GRID2: variants seen among roughly 807,000 people sequenced by gnomAD.
The protein encoded by GRID2 is glutamate receptor ionotropic, delta-2.
GRID2 carries 33 observed loss-of-function variants against 114.8 expected under a neutral mutation model. The observed-to-expected ratio is 0.29, with a 90% CI of 0.22 to 0.38. GRID2 has a LOEUF of 0.38. Ranked by LOEUF, GRID2 falls within the 10% of genes least tolerant of loss-of-function variation. The pLI is 1.00. For missense variants in GRID2, 1,184 were observed against 1,257.7 expected, an observed-to-expected ratio of 0.94 and a Z score of 0.89; for synonymous variants, 505 against 449.9, an observed-to-expected ratio of 1.12 and a Z score of -1.55.
chr4:92,630,565 C>T (rs1173803395), intron 2 of GRID2, among the ~76,000 whole-genome samples: 1 of 152,108 alleles, frequency 6.6e-6, no homozygotes, highest in Non-Finnish European at 1.5e-5. Flanking sequence ...GCATCCTATG[C>T]TTAATGCAGG....
At chr4:93,794,214 A>G (rs909955713) in intron 1 of GRID2, among the ~76,000 whole-genome samples, 1 of 152,178 alleles carries the variant, frequency 6.6e-6, no homozygotes, top group East Asian at 1.9e-4. Flanking sequence ...TGGCAGTGAT[A>G]CGTCTGTGGA....
chr4:93,633,155 A>G (rs1337622151), intron 14 of GRID2, among the ~76,000 whole-genome samples: 1 of 152,062 alleles, frequency 6.6e-6, no homozygotes, highest in African/African-American at 2.4e-5. Context: ...GGGTCCATAA[A>G]TAGCTACTTT....
At chr4:93,230,279 T>C (rs1745973315) in intron 7 of GRID2, among the ~76,000 whole-genome samples, 1 of 152,052 alleles carries the variant, frequency 6.6e-6, no homozygotes, top group Non-Finnish European at 1.5e-5. Context: ...CTGATCAACT[T>C]TCCAAACTTA....
At chr4:93,091,499 A>G (rs1356097289) in intron 3 of GRID2, among the ~76,000 whole-genome samples, 1 of 152,112 alleles carries the variant, frequency 6.6e-6, no homozygotes, top group Non-Finnish European at 1.5e-5. Flanking sequence ...TTTGAAAGAC[A>G]AATATCATTA....
Position 93,422,877 on chromosome 4 carries a change from A to G in GRID2, c.1454A>G (p.Asn485Ser). Residue 485 changes from asparagine (N) to serine (S), a missense_variant, in exon 10 of 16, where the codon AAC becomes AGC. Asn to Ser is a conservative substitution (Grantham distance 46). Around this residue, in one of 3 missense-constraint regions of GRID2, gnomAD observed 717 missense variants for 796.9 expected, o/e 0.90. Coordinates refer to ENST00000282020, the MANE Select transcript of GRID2 (RefSeq NM_001510.4). ...GCCTTATCTAACTACCTGGGTTTTAACTACGAAATTTACGTAGCACCGGAT... is the reference window on the plus strand; with the variant it reads ...GCCTTATCTAACTACCTGGGTTTTAGCTACGAAATTTACGTAGCACCGGAT... ...LDALSNYLGF[N>S]YEIYVAPDHK... 1 of 1,613,568 alleles carries G rather than the reference A, an allele frequency of 6.2e-7. No homozygotes were observed. The highest frequency in any genetic ancestry group is 8.5e-7 in the Non-Finnish European group (1 of 1,179,534).
At chr4:93,340,240 C>CTTTTTTTTTTTT (rs33924908) in intron 8 of GRID2, among the ~76,000 whole-genome samples, 2 of 139,770 alleles carry the variant, frequency 1.4e-5, no homozygotes, top group Non-Finnish European at 3.1e-5. Flanking sequence ...TATCTCCTCT[C>CTTTTTTTTTTTT]TTTTTTTTTT....
At chr4:93,803,651 G>A (rs980326763) in intron 1 of GRID2, among the ~76,000 whole-genome samples, 1 of 152,070 alleles carries the variant, frequency 6.6e-6, no homozygotes, top group Non-Finnish European at 1.5e-5. Context: ...GAACCCAGGA[G>A]ATGGAGGCTG....
intron 13 of GRID2, among the ~76,000 whole-genome samples, chr4:93,589,227 G>C (rs1022494248): frequency 8.1e-6 from 1 of 123,412 alleles, no homozygotes; most frequent in African/African-American, 3.3e-5. Context: ...ACAGTCCCCA[G>C]TGTGTGATGT....
chr4:93,549,204 A>G (rs73839583), intron 13 of GRID2, among the ~76,000 whole-genome samples: 2,962 of 152,274 alleles, frequency 0.019, 86 homozygotes, highest in African/African-American at 0.067. Context: ...AGATCGCACT[A>G]TTTTTATCAG....
At chr4:92,956,507 AT>A (rs1179723938) in intron 2 of GRID2, among the ~76,000 whole-genome samples, 2 of 151,920 alleles carry the variant, frequency 1.3e-5, no homozygotes, top group Admixed American at 6.6e-5. Context: ...TTGATAGCTC[AT>A]TTTTTTAGTG....
At chr4:92,832,660 C>T (rs539386198) in intron 2 of GRID2, among the ~76,000 whole-genome samples, 4 of 152,048 alleles carry the variant, frequency 2.6e-5, no homozygotes, top group Non-Finnish European at 5.9e-5. Flanking sequence ...TCCCAAAGTG[C>T]TGGGATCACA....
chr4:92,671,087 G>C (rs187417086), intron 2 of GRID2, among the ~76,000 whole-genome samples: 98 of 152,172 alleles, frequency 6.4e-4, no homozygotes, highest in Admixed American at 5.8e-3. Flanking sequence ...AGATTTAATT[G>C]ACTCATAGTT....
chr4:93,731,846 A>T lies in GRID2; in HGVS notation c.2361-37364A>T, dbSNP rs146245682. ...TTATCCCCAGAAAGCCTGGGCCTTGACAGTCCTCATCCCTGTTGCTCTCTG... is the reference window on the plus strand; with the variant it reads ...TTATCCCCAGAAAGCCTGGGCCTTGTCAGTCCTCATCCCTGTTGCTCTCTG... On this transcript the variant is annotated intron_variant, in intron 14 of 15. Transcript: ENST00000282020. 8.5e-5 allele frequency among the ~76,000 whole-genome samples: 13 copies of T among 152,274 alleles called. 1 individual carries two copies. In the East Asian group the frequency reaches 2.5e-3, roughly 29 times the overall value.
chr4:93,231,390 C>A (rs1330100365), intron 7 of GRID2, among the ~76,000 whole-genome samples: 1,467 of 103,342 alleles, frequency 0.014, no homozygotes, highest in East Asian at 0.019. Context: ...CACCCCCTGC[C>A]AAAAAAAAAA....
intron 2 of GRID2, among the ~76,000 whole-genome samples, chr4:92,737,136 A>G (rs911219119): frequency 6.6e-6 from 1 of 152,106 alleles, no homozygotes; most frequent in Non-Finnish European, 1.5e-5. Flanking sequence ...CCACGTGACT[A>G]TTGGCATGTA....
intron 14 of GRID2, among the ~76,000 whole-genome samples, chr4:93,752,158 C>T (rs1732376879): frequency 6.6e-6 from 1 of 152,112 alleles, no homozygotes; most frequent in Non-Finnish European, 1.5e-5. Flanking sequence ...ATAACAATAG[C>T]TGCCTGGTAT....
At chr4:93,683,440 T>G (rs937505296) in intron 14 of GRID2, among the ~76,000 whole-genome samples, 1 of 152,118 alleles carries the variant, frequency 6.6e-6, no homozygotes, top group African/African-American at 2.4e-5. Flanking sequence ...GAAGACAGAC[T>G]TAGCCAAAAT....
intron 2 of GRID2, among the ~76,000 whole-genome samples, chr4:92,889,170 A>AT (rs1319382192): frequency 1.3e-5 from 2 of 152,128 alleles, no homozygotes; most frequent in African/African-American, 2.4e-5. Flanking sequence ...AGAGAAAGTA[A>AT]TTTTTACCGT....
chr4:92,532,225 G>A (rs1579529372), intron 1 of GRID2, among the ~76,000 whole-genome samples: 1 of 152,266 alleles, frequency 6.6e-6, no homozygotes, highest in East Asian at 1.9e-4. Context: ...CCTACCTACT[G>A]TGAAAACTCA....
Sources: gnomAD v4.1 joint callset for allele counts (sites outside exome capture counted in the v4.1 genomes callset) on GRCh38, gnomAD v4.1.1 for gene constraint, gnomAD v4.1.1 regional missense constraint, MANE v1.5 for transcripts, NCBI Gene and HGNC (gene_info 2026-07-23, HGNC 2026-07-21) for gene names.